EHHADH: variants seen among roughly 807,000 people sequenced by gnomAD.
EHHADH encodes peroxisomal bifunctional enzyme.
Under a neutral mutation model 64.4 loss-of-function variants are expected in EHHADH, and 48 were observed. That is an observed-to-expected ratio of 0.75 (90% confidence interval 0.59 to 0.95). The LOEUF (loss-of-function observed/expected upper bound fraction) is 0.95. EHHADH is among the 40% of genes least tolerant of loss of function. The pLI is 0.00. For missense variants in EHHADH, 854 were observed against 876.6 expected (o/e 0.97, Z 0.33); for synonymous variants, 308 against 326.7 (o/e 0.94, Z 0.62).
At chr3:185,228,257 A>AAAAAAAAAAAT (rs1367786172) in intron 4 of EHHADH, among the ~76,000 whole-genome samples, 5 of 22,008 alleles carry the variant, frequency 2.3e-4, no homozygotes, top group East Asian at 7.8e-4. Flanking sequence ...AAAAAAAAAA[A>AAAAAAAAAAAT]ATATATATAT....
intron 2 of EHHADH, among the ~76,000 whole-genome samples, chr3:185,242,448 T>A (rs1016469721): frequency 6.6e-6 from 1 of 152,084 alleles, no homozygotes; most frequent in Non-Finnish European, 1.5e-5. Context: ...CAAAACAGCA[T>A]GGTACTAGTA....
chr3:185,226,442 A>G (rs966391611), intron 4 of EHHADH, among the ~76,000 whole-genome samples: 5 of 152,162 alleles, frequency 3.3e-5, no homozygotes, highest in African/African-American at 9.7e-5. Context: ...TGTGGTCAGG[A>G]GTTCAAGACC....
chr3:185,208,094 G>C (rs924068173), intron 5 of EHHADH, among the ~76,000 whole-genome samples: 2 of 152,250 alleles, frequency 1.3e-5, no homozygotes, highest in African/African-American at 4.8e-5. Flanking sequence ...TCTGGCTTCA[G>C]TCTTGCTCAT....
At chr3:185,249,564 T>C (rs1719689949) in intron 1 of EHHADH, among the ~76,000 whole-genome samples, 1 of 152,156 alleles carries the variant, frequency 6.6e-6, no homozygotes. Flanking sequence ...TCTCAGGAGA[T>C]CTAGTGGTTT....
intron 5 of EHHADH, among the ~76,000 whole-genome samples, chr3:185,211,035 C>T (rs753148070): frequency 6.6e-6 from 1 of 152,150 alleles, no homozygotes; most frequent in Non-Finnish European, 1.5e-5. Flanking sequence ...ATTTTGGATC[C>T]GGGCACAATC....
chr3:185,234,446 G>A (rs1048683380), intron 3 of EHHADH, among the ~76,000 whole-genome samples: 5 of 152,180 alleles, frequency 3.3e-5, no homozygotes, highest in African/African-American at 1.2e-4. Context: ...ACCTGATATG[G>A]GTCATAGTAC....
intron 1 of EHHADH, 165 bp downstream of exon 1, chr3:185,253,784 A>AAAAG (rs953810036): frequency 1.5e-6 from 2 of 1,363,016 alleles, no homozygotes; most frequent in South Asian, 1.8e-5. Flanking sequence ...AAAGAAAAGA[A>AAAAG]AAAGAAAGAA....
chr3:185,249,557 CAGG>C (rs1316092685), intron 1 of EHHADH, among the ~76,000 whole-genome samples: 1 of 152,184 alleles, frequency 6.6e-6, no homozygotes, highest in African/African-American at 2.4e-5. Flanking sequence ...AGGGAATTCT[CAGG>C]AGATCTAGTG....
Position 185,192,043 on chromosome 3 carries a change from G to T in EHHADH, c.*183C>A. ...AATTTATCTGATAAGGACAGATTCA[G>T]AGGCATAGGAAGCACATTCCTAAAG... is the stretch of plus-strand genomic sequence containing the variant. On this transcript the variant is annotated 3_prime_UTR_variant, in exon 7 of 7. Coordinates refer to ENST00000231887, the MANE Select transcript of EHHADH (RefSeq NM_001966.4). The T allele has an allele frequency of 1.5e-6, 1 of 667,164 alleles. No homozygotes were observed. The allele number at this position is 667,164 out of a possible 1,614,324, so 41.3% of individuals were successfully genotyped here. A position where few individuals can be genotyped will look rare whatever the true frequency, so the allele number is the denominator to read the frequency against.
At chr3:185,238,867 A>C (rs1057061944) in intron 2 of EHHADH, among the ~76,000 whole-genome samples, 1 of 152,302 alleles carries the variant, frequency 6.6e-6, no homozygotes, top group East Asian at 1.9e-4. Flanking sequence ...GCCTAGGCCA[A>C]CGTCCAAAAG....
intron 6 of EHHADH, among the ~76,000 whole-genome samples, chr3:185,195,447 AGTTACTCAAAAT>A (rs1208809974): frequency 6.6e-6 from 1 of 152,246 alleles, no homozygotes; most frequent in Non-Finnish European, 1.5e-5. Context: ...ACAGTTTAGC[AGTTACTCAAAAT>A]GTTAAACATG....
chr3:185,193,369 G>A lies in EHHADH; in HGVS notation c.1029C>T (p.Val343=). Residue 343 remains valine, a synonymous_variant, in exon 7 of 7, where the codon GTC becomes GTT. Transcript: ENST00000231887. ...LATANKMITS[V]LEKEASKMQQ... ...GCATTTTGGAGGCTTCTTTTTCCAA[G>A]ACAGAGGTTATCATCTTGTTTGCAG... 1 of 1,614,168 alleles carries A rather than the reference G, an allele frequency of 6.2e-7. No individual in the cohort carries two copies. Among genetic ancestry groups the A allele is most frequent in the Non-Finnish European group, 8.5e-7 (1 of 1,180,028 alleles).
Position 185,216,977 on chromosome 3 carries a change from AAAGT to A in EHHADH, c.568+1155_568+1158del, listed in dbSNP as rs1420826404. On this transcript the variant is annotated intron_variant, in intron 5 of 6. Transcript: ENST00000231887. The surrounding 1 kb of genome is among the most constrained non-coding windows in gnomAD (Gnocchi z 5.3). ...TCTGAAAGGAACATCCCGAGTCCATAAAGTAAGAAACCACTGAGAGAAGGACATA... is the reference window on the plus strand; with the variant it reads ...TCTGAAAGGAACATCCCGAGTCCATAAAGAAACCACTGAGAGAAGGACATA... 2.0e-5 allele frequency among the ~76,000 whole-genome samples: 3 copies of A among 152,104 alleles called. No individual in the cohort carries two copies. The highest frequency in any genetic ancestry group is 4.8e-5 in the African/African-American group (2 of 41,416).
intron 2 of EHHADH, chr3:185,245,488 C>T (rs763607637): frequency 5.6e-5 from 59 of 1,050,888 alleles, no homozygotes; most frequent in Middle Eastern, 3.2e-4. Context: ...GGGCTGTGCT[C>T]GCTTGCCCAT....
intron 2 of EHHADH, among the ~76,000 whole-genome samples, chr3:185,245,053 A>G (rs1222480622): frequency 6.6e-6 from 1 of 152,074 alleles, no homozygotes; most frequent in African/African-American, 2.4e-5. Flanking sequence ...CTGATTACTG[A>G]TTGAATTTCT....
intron 2 of EHHADH, among the ~76,000 whole-genome samples, chr3:185,241,768 G>A (rs974449849): frequency 6.6e-5 from 10 of 152,092 alleles, no homozygotes; most frequent in African/African-American, 2.4e-4. Context: ...TCTGCTGACT[G>A]TTCCTTTTGC....
In EHHADH at chr3:185,193,150, A is replaced by G; in HGVS notation, c.1248T>C (p.Asp416=). ...GACGATCAGTGGAAGAAGCAATCTC[A>G]TCAACATCCAGGGCTGAAGTATTAG... ...LCTNTSALDV[D]EIASSTDRPH... Residue 416 remains aspartate (D), a synonymous_variant, in exon 7 of 7, where the codon GAT becomes GAC. Transcript: ENST00000231887. 6.2e-7 allele frequency: 1 copy of G among 1,603,998 alleles called. No individual in the cohort carries two copies. The highest frequency in any genetic ancestry group is 8.5e-7 in the Non-Finnish European group (1 of 1,171,300).
intron 2 of EHHADH, among the ~76,000 whole-genome samples, chr3:185,237,455 G>C (rs1437215413): frequency 6.6e-6 from 1 of 152,158 alleles, no homozygotes; most frequent in African/African-American, 2.4e-5. Flanking sequence ...CATAAGGAAA[G>C]CTTTCAATTC....
intron 6 of EHHADH, among the ~76,000 whole-genome samples, chr3:185,199,741 G>C (rs1280363676): frequency 6.6e-6 from 1 of 152,112 alleles, no homozygotes. Context: ...TTTTTGTTTT[G>C]TTTTGTATTT....
Sources: gnomAD v4.1 joint callset for allele counts (sites outside exome capture counted in the v4.1 genomes callset) on GRCh38, gnomAD v4.1.1 for gene constraint, Gnocchi (gnomAD v3.1) non-coding constraint, MANE v1.5 for transcripts, NCBI Gene and HGNC (gene_info 2026-07-23, HGNC 2026-07-21) for gene names.